Variants in EIF4E3 observed in about 807,000 individuals in gnomAD.
The protein encoded by EIF4E3 is eukaryotic translation initiation factor 4E type 3.
Under a neutral mutation model 31.7 loss-of-function variants are expected in EIF4E3, and 26 were observed. The observed-to-expected ratio is 0.82, with a 90% CI of 0.60 to 1.14. EIF4E3 has a LOEUF of 1.14. EIF4E3 is among the 50% of genes most tolerant of loss of function. The pLI is 0.00. For missense variants in EIF4E3, 304 were observed against 270.9 expected, an observed-to-expected ratio of 1.12 and a Z score of -0.86; for synonymous variants, 128 against 107.7, an observed-to-expected ratio of 1.19 and a Z score of -1.17.
chr3:71,739,003 T>TATATATATATATATATATATATAA (rs2049793411), intron 1 of EIF4E3, among the ~76,000 whole-genome samples: 1 of 140,350 alleles, frequency 7.1e-6, no homozygotes, highest in Non-Finnish European at 1.5e-5. Flanking sequence ...TATATATATA[T>TATATATATATATATATATATATAA]ATATGGGTTA....
rs74589814 is a variant in EIF4E3 at position 71,696,258 on chromosome 3, G to A, written c.405+202C>T. On this transcript the variant is annotated intron_variant, in intron 4 of 6. Coordinates refer to ENST00000425534, the MANE Select transcript of EIF4E3 (RefSeq NM_001134651.2). Reference sequence around the variant, plus strand: ...ATGATACAGTCACATACTACACCACGTCTATAGAGAAGCACAATTATACAC... The same window carrying A: ...ATGATACAGTCACATACTACACCACATCTATAGAGAAGCACAATTATACAC... Among the ~76,000 whole-genome samples the A allele has an allele frequency of 4.6e-3, 699 of 152,282 alleles. 8 individuals carry two copies. The highest frequency in any genetic ancestry group is 0.016 in the African/African-American group (657 of 41,544).
At chr3:71,697,082 C>T (rs1379061590) in intron 3 of EIF4E3, among the ~76,000 whole-genome samples, 1 of 152,012 alleles carries the variant, frequency 6.6e-6, no homozygotes, top group Non-Finnish European at 1.5e-5. Flanking sequence ...GTGGCATGAT[C>T]GTAGCTCACT....
the EIF4E3 span, among the ~76,000 whole-genome samples, chr3:71,660,911 T>C: frequency 6.6e-6 from 1 of 152,070 alleles, no homozygotes; most frequent in Non-Finnish European, 1.5e-5. Context: ...GATGAGGGCC[T>C]GGGGCTCTGA....
At position 71,681,946 on chromosome 3, in the gene EIF4E3, T is replaced by C. The variant is rs929158497; in HGVS notation, c.*2736A>G. ...TACCACGAATCTAACAGCAATATTA[T>C]ATTAAATGTACATGTTTGCAGTAAA... On this transcript the variant is annotated 3_prime_UTR_variant, in exon 7 of 7. Transcript: ENST00000425534. 2 of 152,208 alleles carry C rather than the reference T, an allele frequency of 1.3e-5. No homozygotes were observed. Among genetic ancestry groups the C allele is most frequent in the Non-Finnish European group, 2.9e-5 (2 of 68,044 alleles). 9.4% of individuals were successfully genotyped at this position (152,208 alleles called of 1,614,324 possible).
At chr3:71,728,443 G>T (rs2049664859), upstream of EIF4E3, 1 of 152,644 alleles carries the variant, frequency 6.6e-6, no homozygotes, top group Non-Finnish European at 1.5e-5. Context: ...TACAAATGAG[G>T]AAACTGAGGC....
At chr3:71,667,102 C>T in the EIF4E3 span, among the ~76,000 whole-genome samples, 2 of 152,286 alleles carry the variant, frequency 1.3e-5, no homozygotes, top group South Asian at 2.1e-4. Context: ...GTTCAACATA[C>T]ACAAATCAAT....
At chr3:71,722,562 G>A (rs540329626) in intron 1 of EIF4E3, among the ~76,000 whole-genome samples, 1 of 152,326 alleles carries the variant, frequency 6.6e-6, no homozygotes, top group South Asian at 2.1e-4. Context: ...TCTTCAGCCT[G>A]TACCCCCAAT....
At chr3:71,685,047 G>A (rs145523502) in intron 6 of EIF4E3, among the ~76,000 whole-genome samples, 2 of 152,304 alleles carry the variant, frequency 1.3e-5, no homozygotes, top group African/African-American at 4.8e-5. Flanking sequence ...AAATGCCGCA[G>A]GGGAAAATGT....
downstream of EIF4E3, among the ~76,000 whole-genome samples, chr3:71,674,090 C>CTTTTTTTT (rs71277509): frequency 2.2e-3 from 54 of 25,074 alleles, 21 homozygotes; most frequent in Non-Finnish European, 4.1e-3. Flanking sequence ...ATCAACTGTA[C>CTTTTTTTT]TTTTTTTTTT....
rs570391384 is a variant in EIF4E3, at chr3:71,675,661, G to A, written c.*9021C>T. ...ACCAACTACTTGTGTGACCTTGAAC[G>A]AATTCTTTATACTTTCTGGGTCATT... is the stretch of plus-strand genomic sequence containing the variant. On this transcript the variant is annotated 3_prime_UTR_variant, in exon 7 of 7. Coordinates refer to ENST00000425534, the MANE Select transcript of EIF4E3 (RefSeq NM_001134651.2). 20 of 152,266 alleles carry A rather than the reference G, an allele frequency of 1.3e-4. No individual in the cohort carries two copies. The highest frequency in any genetic ancestry group is 4.6e-4 in the African/African-American group (19 of 41,556). The allele number at this position is 152,266 out of a possible 1,614,324, so 9.4% of individuals were successfully genotyped here.
upstream of EIF4E3, among the ~76,000 whole-genome samples, chr3:71,729,798 ATGTGTG>A (rs3066626): frequency 8.8e-3 from 1,136 of 129,766 alleles, 15 homozygotes; most frequent in African/African-American, 0.026. Context: ...TTCCAATAGA[ATGTGTG>A]TGTGTGTGTG....
Position 71,682,811 on chromosome 3 carries a change from A to C in EIF4E3, c.*1871T>G, listed in dbSNP as rs1328651370. On this transcript the variant is annotated 3_prime_UTR_variant, in exon 7 of 7. Transcript: ENST00000425534. Reference sequence around the variant, plus strand: ...CATGTCATCACAAATGCTTTAAATAAAGTTCAAAAAATAAAAATACTTCAA... The same window carrying C: ...CATGTCATCACAAATGCTTTAAATACAGTTCAAAAAATAAAAATACTTCAA... 1 of 152,440 alleles carries C rather than the reference A, an allele frequency of 6.6e-6. No homozygotes were observed. Among genetic ancestry groups the C allele is most frequent in the African/African-American group, 2.4e-5 (1 of 41,250 alleles). 9.4% of individuals were successfully genotyped at this position (152,440 alleles called of 1,614,324 possible).
chr3:71,667,416 A>G, the EIF4E3 span, among the ~76,000 whole-genome samples: 1 of 152,224 alleles, frequency 6.6e-6, no homozygotes, highest in South Asian at 2.1e-4. Context: ...ATTAGGCAAG[A>G]GGAAGAAATA....
upstream of EIF4E3, among the ~76,000 whole-genome samples, chr3:71,729,483 C>T (rs1481817981): frequency 6.6e-6 from 1 of 152,162 alleles, no homozygotes; most frequent in Non-Finnish European, 1.5e-5. Flanking sequence ...TGTCAGAAAA[C>T]CTGGGTCAAA....
intron 6 of EIF4E3, among the ~76,000 whole-genome samples, chr3:71,688,848 C>T (rs536949230): frequency 6.6e-6 from 1 of 152,300 alleles, no homozygotes; most frequent in East Asian, 1.9e-4. Flanking sequence ...TTTAAACTTC[C>T]ATTTAAAATT....
upstream of EIF4E3, among the ~76,000 whole-genome samples, chr3:71,730,073 C>G: frequency 6.6e-6 from 1 of 152,160 alleles, no homozygotes; most frequent in East Asian, 1.9e-4. Flanking sequence ...CAGGAAGGGA[C>G]TGGCCTGGGG....
At chr3:71,703,811 C>CAAAAAAAAAA (rs370789059) in intron 2 of EIF4E3, among the ~76,000 whole-genome samples, 8 of 72,426 alleles carry the variant, frequency 1.1e-4, no homozygotes, top group Admixed American at 1.5e-4. Flanking sequence ...AAACACACAT[C>CAAAAAAAAAA]AAAAAAAAAA....
chr3:71,754,558 C>A (rs1226870998), upstream of EIF4E3: 21 of 1,373,520 alleles, frequency 1.5e-5, no homozygotes, highest in Non-Finnish European at 1.9e-5. The surrounding 1 kb of genome is among the most constrained non-coding windows in gnomAD (Gnocchi z 5.8). Flanking sequence ...GAGGACGCGC[C>A]GTGCGCCCTG....
Position 71,690,093 on chromosome 3 carries a change from G to T in EIF4E3, c.545C>A (p.Ala182Asp). The change falls in exon 6 of 7, where the codon GCC becomes GAC. Residue 182 changes from alanine to aspartate, a missense_variant. Transcript: ENST00000425534. ...EDVVQVWNVN[A>D]SLVGEATVLE... ...AACAGTCGCTTCACCCACTAAAGAG[G>T]CATTTACATTCCAGACTTGGACGAC... 4 of 1,613,708 alleles carry T rather than the reference G, an allele frequency of 2.5e-6. No individual in the cohort carries two copies. Among genetic ancestry groups the T allele is most frequent in the Non-Finnish European group, 3.4e-6 (4 of 1,179,942 alleles).
Sources: allele counts gnomAD v4.1 joint callset (sites outside exome capture counted in the v4.1 genomes callset), GRCh38; gene constraint gnomAD v4.1.1; non-coding constraint Gnocchi (gnomAD v3.1); transcripts MANE v1.5; gene names NCBI Gene and HGNC (gene_info 2026-07-23, HGNC 2026-07-21).